CLCN3: variants seen among roughly 807,000 people sequenced by gnomAD.
The protein encoded by CLCN3 is Cl-/H+ antiporter 3, also known as H(+)/Cl(-) exchange transporter 3.
CLCN3 carries 16 observed loss-of-function variants against 83.4 expected under a neutral mutation model. The ratio of observed to expected loss-of-function variants is 0.19; its 90% CI spans 0.13 to 0.29. The LOEUF (loss-of-function observed/expected upper bound fraction) is 0.29. Ranked by LOEUF, CLCN3 falls within the 10% of genes least tolerant of loss-of-function variation. The pLI is 1.00. For missense variants in CLCN3, 544 were observed against 1,006.0 expected (o/e 0.54, Z 6.21); for synonymous variants, 322 against 346.2 (o/e 0.93, Z 0.78).
chr4:169,648,473 A>G (rs1386159719), intron 2 of CLCN3, among the ~76,000 whole-genome samples: 1 of 152,198 alleles, frequency 6.6e-6, no homozygotes, highest in East Asian at 1.9e-4. Context: ...GAAAATGAAA[A>G]CTACCCATAA....
intron 9 of CLCN3, among the ~76,000 whole-genome samples, chr4:169,703,158 G>C (rs1732862766): frequency 6.6e-6 from 1 of 152,192 alleles, no homozygotes; most frequent in Non-Finnish European, 1.5e-5. Context: ...AATTTTCAAA[G>C]TATTGAGAGA....
chr4:169,630,808 C>T (rs774013512), intron 1 of CLCN3, among the ~76,000 whole-genome samples: 57 of 152,276 alleles, frequency 3.7e-4, no homozygotes, highest in Non-Finnish European at 6.8e-4. Context: ...GGATTACAGG[C>T]GTGAGCCACC....
At chr4:169,704,273 G>A (rs191799279) in intron 10 of CLCN3, 89 bp downstream of exon 10, 2 of 1,288,642 alleles carry the variant, frequency 1.6e-6, no homozygotes, top group African/African-American at 2.9e-5. Flanking sequence ...TAATTGGTGG[G>A]CGGATTGGTT....
rs551502096 is a variant in CLCN3, at chr4:169,658,930, A to G, written c.161-21120A>G. ...TTAACCTATACAGTTTTTTAAAAAG[A>G]CCCTAAATAAGTAAAATTTAGTACT... On this transcript the variant is annotated intron_variant, in intron 2 of 12. Coordinates refer to ENST00000513761, the MANE Select transcript of CLCN3 (RefSeq NM_001829.4). Among the ~76,000 whole-genome samples the G allele has an allele frequency of 2.2e-4, 33 of 152,180 alleles. No individual in the cohort carries two copies. In the South Asian group the frequency reaches 6.8e-3, roughly 32 times the overall value.
chr4:169,697,763 G>A, intron 9 of CLCN3, 29 bp downstream of exon 9: 1 of 1,505,636 alleles, frequency 6.6e-7, no homozygotes, highest in African/African-American at 1.4e-5. Flanking sequence ...TGATATTTGG[G>A]TAATTTTGGC....
At chr4:169,660,041 G>A (rs1581216511) in intron 2 of CLCN3, 2 of 1,002,800 alleles carry the variant, frequency 2.0e-6, no homozygotes, top group South Asian at 4.7e-5. Context: ...TGTATTGTGA[G>A]TGTTTCAAAA....
At chr4:169,695,076 C>T (rs1732514830) in intron 7 of CLCN3, among the ~76,000 whole-genome samples, 1 of 152,002 alleles carries the variant, frequency 6.6e-6, no homozygotes, top group Non-Finnish European at 1.5e-5. Flanking sequence ...GTTGTGTGTG[C>T]TTTCAGAATG....
At chr4:169,633,103 C>G (rs1474152187) in intron 1 of CLCN3, among the ~76,000 whole-genome samples, 1 of 152,180 alleles carries the variant, frequency 6.6e-6, no homozygotes, top group East Asian at 1.9e-4. Flanking sequence ...ACTGCCGCCT[C>G]TCTGGCTCAA....
chr4:169,673,813 G>A (rs1337660900), intron 2 of CLCN3, among the ~76,000 whole-genome samples: 3 of 152,044 alleles, frequency 2.0e-5, no homozygotes, highest in Non-Finnish European at 4.4e-5. Context: ...CTCCAAGTAC[G>A]ATATATGCCA....
At chr4:169,681,875 C>T (rs1326970995) in intron 3 of CLCN3, among the ~76,000 whole-genome samples, 2 of 152,214 alleles carry the variant, frequency 1.3e-5, no homozygotes, top group African/African-American at 2.4e-5. Context: ...GCTGGATTCT[C>T]ATATCTGCTT....
At chr4:169,676,498 ACT>A (rs1460717536) in intron 2 of CLCN3, among the ~76,000 whole-genome samples, 2 of 143,844 alleles carry the variant, frequency 1.4e-5, no homozygotes, top group Non-Finnish European at 3.1e-5. Context: ...TACACTCTAA[ACT>A]CTTTTTCTTT....
At position 169,722,072 on chromosome 4, in the gene CLCN3, CCT is replaced by C. The variant is rs1461491625; in HGVS notation, c.*2077_*2078del. ...AGCTCAAGCAATCTGCCTGCGTGAG[CCT>C]CCCAAAGTGGTGGAATTACAGGCGT... On this transcript the variant is annotated 3_prime_UTR_variant, in exon 13 of 13. Coordinates refer to ENST00000513761, the MANE Select transcript of CLCN3 (RefSeq NM_001829.4). 1 of 152,252 alleles carries C rather than the reference CCT, an allele frequency of 6.6e-6. No homozygotes were observed. Among genetic ancestry groups the C allele is most frequent in the Non-Finnish European group, 1.5e-5 (1 of 68,068 alleles). 9.4% of individuals were successfully genotyped at this position (152,252 alleles called of 1,614,324 possible).
chr4:169,698,998 C>T (rs1223282262), intron 9 of CLCN3, among the ~76,000 whole-genome samples: 1 of 152,194 alleles, frequency 6.6e-6, no homozygotes, highest in Non-Finnish European at 1.5e-5. Flanking sequence ...TTTGTGATTA[C>T]TTTAGGCCCA....
chr4:169,639,781 G>GT (rs1234729153), intron 2 of CLCN3, among the ~76,000 whole-genome samples: 1 of 152,192 alleles, frequency 6.6e-6, no homozygotes, highest in Non-Finnish European at 1.5e-5. Flanking sequence ...AAGTCAAGCA[G>GT]TAATTCTTCG....
intron 2 of CLCN3, among the ~76,000 whole-genome samples, chr4:169,639,029 GTTTTC>G (rs1193685651): frequency 6.6e-6 from 1 of 152,094 alleles, no homozygotes. Flanking sequence ...AACCATTGGT[GTTTTC>G]TTTTCTTTTT....
chr4:169,668,689 G>A (rs1731343895), intron 2 of CLCN3, among the ~76,000 whole-genome samples: 1 of 150,886 alleles, frequency 6.6e-6, no homozygotes, highest in Admixed American at 6.6e-5. Context: ...TAGAATAGTA[G>A]TCACTGGCAT....
chr4:169,620,962 T>C lies in CLCN3; in HGVS notation c.-118T>C. ...TTTCGCTGTGTCAGGCTTTCTTCGG[T>C]GGAGCTCCGAGGGTAGCTAGGTTCT... On this transcript the variant is annotated 5_prime_UTR_variant, in exon 1 of 13. Coordinates refer to ENST00000513761, the MANE Select transcript of CLCN3 (RefSeq NM_001829.4). 2.5e-6 allele frequency: 1 copy of C among 398,454 alleles called. No individual in the cohort carries two copies. The highest frequency in any genetic ancestry group is 1.3e-4 in the South Asian group (1 of 7,816). The allele number at this position is 398,454 out of a possible 1,614,324, so 24.7% of individuals were successfully genotyped here.
intron 1 of CLCN3, among the ~76,000 whole-genome samples, chr4:169,627,706 G>C (rs557906539): frequency 1.6e-4 from 24 of 152,020 alleles, no homozygotes; most frequent in Non-Finnish European, 2.9e-5. Flanking sequence ...AGGTCTTGTT[G>C]AGTTTTAGCT....
At chr4:169,677,772 A>G (rs1731736910) in intron 2 of CLCN3, among the ~76,000 whole-genome samples, 1 of 152,244 alleles carries the variant, frequency 6.6e-6, no homozygotes, top group Non-Finnish European at 1.5e-5. Context: ...TGCTAAATTA[A>G]TGCATTCACA....
Sources: gnomAD v4.1 joint callset for allele counts (sites outside exome capture counted in the v4.1 genomes callset) on GRCh38, gnomAD v4.1.1 for gene constraint, MANE v1.5 for transcripts, NCBI Gene and HGNC (gene_info 2026-07-23, HGNC 2026-07-21) for gene names.